NRXN3: variants seen among roughly 807,000 people sequenced by gnomAD.
NRXN3 encodes the protein neurexin 3.
In NRXN3, 32 loss-of-function variants were observed where a neutral mutation model predicts 137.6. The ratio of observed to expected loss-of-function variants is 0.23; its 90% CI spans 0.18 to 0.31. The LOEUF (loss-of-function observed/expected upper bound fraction) is 0.31, where lower values mean the gene tolerates loss of function less well. NRXN3 is among the 10% of genes least tolerant of loss of function. The pLI is 1.00. For synonymous variants in NRXN3, 798 were observed against 784.5 expected, an observed-to-expected ratio of 1.02 and a Z score of -0.29; for missense variants, 1,574 against 2,062.5, an observed-to-expected ratio of 0.76 and a Z score of 4.59.
rs375180969 is a variant in NRXN3, at chr14:79,388,778, T to A, written c.3263-78443T>A. ...TGGTTTGCCTGGGTCCCCACTCCAA[T>A]CTTATCTTGAATTGTAGCTCCCATA... On this transcript the variant is annotated intron_variant, in intron 15 of 20. Coordinates refer to ENST00000335750, the MANE Select transcript of NRXN3 (RefSeq NM_001330195.2). Among the ~76,000 whole-genome samples, 77 of 152,202 alleles carry A rather than the reference T, an allele frequency of 5.1e-4. 1 individual carries two copies. Among genetic ancestry groups the A allele is most frequent in the African/African-American group, 1.7e-3 (72 of 41,530 alleles).
At chr14:79,592,922 T>G (rs1208175890) in intron 16 of NRXN3, among the ~76,000 whole-genome samples, 1 of 152,184 alleles carries the variant, frequency 6.6e-6, no homozygotes, top group Non-Finnish European at 1.5e-5. Context: ...TGAAAAATAA[T>G]GAGACATCTG....
chr14:78,286,198 C>A (rs1225617080), intron 3 of NRXN3, among the ~76,000 whole-genome samples: 1 of 152,146 alleles, frequency 6.6e-6, no homozygotes, highest in African/African-American at 2.4e-5. Flanking sequence ...CTGACCCTGC[C>A]AAATGGGCGG....
At chr14:78,374,769 C>CAA (rs3037807) in intron 4 of NRXN3, among the ~76,000 whole-genome samples, 17 of 115,502 alleles carry the variant, frequency 1.5e-4, no homozygotes, top group African/African-American at 5.8e-4. Flanking sequence ...ACTCCATCTC[C>CAA]AAAAAAAAAA....
At chr14:79,491,425 C>T (rs2096715650) in intron 16 of NRXN3, among the ~76,000 whole-genome samples, 1 of 152,138 alleles carries the variant, frequency 6.6e-6, no homozygotes, top group African/African-American at 2.4e-5. Flanking sequence ...CTTCTCCATT[C>T]ACATGTCTTA....
At chr14:79,485,351 C>A (rs147873843) in intron 16 of NRXN3, among the ~76,000 whole-genome samples, 10 of 152,158 alleles carry the variant, frequency 6.6e-5, no homozygotes, top group Non-Finnish European at 1.2e-4. Context: ...CCACCACCCC[C>A]CAACTCCTGA....
intron 2 of NRXN3, among the ~76,000 whole-genome samples, chr14:78,267,512 T>C (rs756842576): frequency 5.3e-5 from 8 of 152,066 alleles, no homozygotes; most frequent in Non-Finnish European, 1.2e-4. Context: ...GGCAACAAAG[T>C]GAGACCCCTC....
At position 78,419,934 on chromosome 14, in the gene NRXN3, TGCACGTGTGTGC is replaced by T. The variant is rs2093348184; in HGVS notation, c.757+122077_757+122088del. On this transcript the variant is annotated intron_variant, in intron 4 of 20. Coordinates refer to ENST00000335750, the MANE Select transcript of NRXN3 (RefSeq NM_001330195.2). Reference sequence around the variant, plus strand: ...TGTGTGTAATGTATATATATCTGTGTGCACGTGTGTGCGCGCGCGCGCGCACGCACACACACA... The same window carrying T: ...TGTGTGTAATGTATATATATCTGTGTGCGCGCGCGCGCACGCACACACACA... Among the ~76,000 whole-genome samples, 7 of 143,146 alleles carry T rather than the reference TGCACGTGTGTGC, an allele frequency of 4.9e-5. No homozygotes were observed. The South Asian group carries it at 1.5e-3, about 31-fold the overall frequency. 93.9% of individuals were successfully genotyped at this position (143,146 alleles called of 152,430 possible).
chr14:79,764,441 C>G (rs2099049496), intron 19 of NRXN3, among the ~76,000 whole-genome samples: 1 of 152,110 alleles, frequency 6.6e-6, no homozygotes, highest in Admixed American at 6.5e-5. Context: ...ATTAGCTCAG[C>G]TGATAAGGAG....
At chr14:78,936,167 C>G (rs1176005471) in intron 10 of NRXN3, among the ~76,000 whole-genome samples, 2 of 152,188 alleles carry the variant, frequency 1.3e-5, no homozygotes, top group Non-Finnish European at 2.9e-5. Flanking sequence ...CCTCTCCTCC[C>G]CAATGTACAC....
chr14:79,458,216 T>C lies in NRXN3; in HGVS notation c.3263-9005T>C, dbSNP rs183960599. Reference sequence around the variant, plus strand: ...AAATGGAGGAGTAACATAAAACAATTTGACTAAAAATGGGTGTGATTTTCT... The same window carrying C: ...AAATGGAGGAGTAACATAAAACAATCTGACTAAAAATGGGTGTGATTTTCT... On this transcript the variant is annotated intron_variant, in intron 15 of 20. Transcript: ENST00000335750. 6.0e-3 allele frequency among the ~76,000 whole-genome samples: 906 copies of C among 152,252 alleles called. 9 individuals carry two copies. Among genetic ancestry groups the C allele is most frequent in the Non-Finnish European group, 9.5e-3 (649 of 67,984 alleles).
At chr14:78,875,925 ATTC>A (rs1238618283) in intron 10 of NRXN3, among the ~76,000 whole-genome samples, 2 of 152,158 alleles carry the variant, frequency 1.3e-5, no homozygotes, top group East Asian at 3.9e-4. Context: ...CTCCCCTTGT[ATTC>A]TTTTGAGGAT....
intron 2 of NRXN3, among the ~76,000 whole-genome samples, chr14:78,253,170 C>T (rs1193768907): frequency 6.6e-6 from 1 of 152,174 alleles, no homozygotes; most frequent in Non-Finnish European, 1.5e-5. Context: ...AGGTGTTGTA[C>T]AATCACATGA....
At chr14:79,205,965 G>A (rs1316295731) in intron 15 of NRXN3, among the ~76,000 whole-genome samples, 3 of 152,016 alleles carry the variant, frequency 2.0e-5, no homozygotes, top group African/African-American at 7.2e-5. Flanking sequence ...TAAGGCTCTT[G>A]GAATCCCTAT....
At chr14:79,337,996 C>G (rs1301539863) in intron 15 of NRXN3, among the ~76,000 whole-genome samples, 2 of 152,076 alleles carry the variant, frequency 1.3e-5, no homozygotes, top group African/African-American at 4.8e-5. Flanking sequence ...CTGTCCTGTC[C>G]TGTCTATGCT....
intron 15 of NRXN3, among the ~76,000 whole-genome samples, chr14:79,369,462 G>A (rs2094012816): frequency 6.6e-6 from 1 of 152,176 alleles, no homozygotes; most frequent in Non-Finnish European, 1.5e-5. Context: ...CATGGAATTA[G>A]GTACTTAGAA....
At chr14:78,736,332 G>T (rs1332389275) in intron 8 of NRXN3, among the ~76,000 whole-genome samples, 1 of 152,224 alleles carries the variant, frequency 6.6e-6, no homozygotes, top group Admixed American at 6.5e-5. Flanking sequence ...TGGTTTGAAA[G>T]CCTAATAGCT....
In NRXN3 at chr14:79,612,323, G is replaced by C. The variant is rs114013837; in HGVS notation, c.3445-51455G>C. Among the ~76,000 whole-genome samples, 186 of 152,310 alleles carry C rather than the reference G, an allele frequency of 1.2e-3. 1 individual carries two copies. The highest frequency in any genetic ancestry group is 4.3e-3 in the African/African-American group (179 of 41,566). On this transcript the variant is annotated intron_variant, in intron 16 of 20. Transcript: ENST00000335750. ...TAGTACATGAGGACTCTCAGACTCTGAAGAGCTGGTCGGGTGTCTCTGGCT... is the reference window on the plus strand; with the variant it reads ...TAGTACATGAGGACTCTCAGACTCTCAAGAGCTGGTCGGGTGTCTCTGGCT...
In NRXN3 at chr14:79,867,962, T is replaced by G. The variant is rs916175005; in HGVS notation, c.*5998T>G. ...AGAGTGAATTTCAAGATATCTGAGT[T>G]TTTTTTTTTTAATGATTACATGGGT... On this transcript the variant is annotated 3_prime_UTR_variant, in exon 21 of 21. Coordinates refer to ENST00000335750, the MANE Select transcript of NRXN3 (RefSeq NM_001330195.2). 14 of 1,320 alleles carry G rather than the reference T, an allele frequency of 0.011. No individual in the cohort carries two copies. The highest frequency in any genetic ancestry group is 0.1 in the Middle Eastern group (2 of 20). The allele number at this position is 1,320 out of a possible 1,614,324, so 0.1% of individuals were successfully genotyped here.
intron 16 of NRXN3, among the ~76,000 whole-genome samples, chr14:79,574,508 T>C (rs748507961): frequency 4.6e-5 from 7 of 152,184 alleles, no homozygotes; most frequent in Non-Finnish European, 1.0e-4. Flanking sequence ...TTTATAGTCA[T>C]TATTAATGCA....
Sources: gnomAD v4.1 joint callset for allele counts (sites outside exome capture counted in the v4.1 genomes callset) on GRCh38, gnomAD v4.1.1 for gene constraint, MANE v1.5 for transcripts, NCBI Gene and HGNC (gene_info 2026-07-23, HGNC 2026-07-21) for gene names.